The following RTL4 variants were observed in gnomAD, a reference collection of about 807,000 sequenced individuals.
RTL4 encodes retrotransposon Gag like 4.
Under a neutral mutation model 5.3 loss-of-function variants are expected in RTL4, and 4 were observed. The observed-to-expected ratio is 0.75, with a 90% CI of 0.37 to 1.72. The LOEUF is 1.72. Ranked by LOEUF, RTL4 falls within the 40% of genes most tolerant of loss-of-function variation. The pLI, the probability that RTL4 is intolerant of heterozygous loss-of-function variation, is 0.04. For synonymous variants in RTL4, 98 were observed against 87.3 expected (o/e 1.12, Z -0.68); for missense variants, 260 against 227.1 (o/e 1.14, Z -0.93).
the RTL4 span, among the ~76,000 whole-genome samples, chrX:112,100,640 A>G: frequency 8.9e-6 from 1 of 111,999 alleles, no homozygotes; most frequent in Non-Finnish European, 1.9e-5. Context: ...TCCATGGAAA[A>G]AAGAGTCTGG....
the RTL4 span, among the ~76,000 whole-genome samples, chrX:112,384,972 T>C: frequency 9.0e-6 from 1 of 111,672 alleles, no homozygotes; most frequent in Non-Finnish European, 1.9e-5. Context: ...TTTATAGCAA[T>C]TGTGAATGGG....
the RTL4 span, among the ~76,000 whole-genome samples, chrX:112,191,515 T>G: frequency 8.9e-6 from 1 of 111,904 alleles, no homozygotes; most frequent in Non-Finnish European, 1.9e-5. Context: ...GAAAAAATTT[T>G]AGAAATTTTG....
At chrX:112,327,263 A>T in the RTL4 span, among the ~76,000 whole-genome samples, 6 of 111,786 alleles carry the variant, frequency 5.4e-5, no homozygotes, top group African/African-American at 2.0e-4. Flanking sequence ...TTTGAAAAAA[A>T]TTTGGAAGAA....
chrX:112,120,583 T>TTTTTG, the RTL4 span, among the ~76,000 whole-genome samples: 2 of 108,107 alleles, frequency 1.9e-5, no homozygotes, highest in African/African-American at 6.7e-5. Flanking sequence ...GGCTGGGGTT[T>TTTTTG]TTTTTTTTTT....
the RTL4 span, among the ~76,000 whole-genome samples, chrX:112,407,397 A>G: frequency 3.6e-5 from 4 of 111,647 alleles, no homozygotes; most frequent in African/African-American, 1.3e-4. Context: ...GGCAGTAACC[A>G]TGGAGTGAGG....
chrX:112,115,106 C>A, the RTL4 span, among the ~76,000 whole-genome samples: 73 of 110,801 alleles, frequency 6.6e-4, no homozygotes, highest in African/African-American at 2.1e-3. Context: ...AAACTGCCTG[C>A]GGTTCTGATT....
At chrX:112,225,881 T>C in the RTL4 span, among the ~76,000 whole-genome samples, 10 of 111,923 alleles carry the variant, frequency 8.9e-5, no homozygotes, top group Non-Finnish European at 1.5e-4. Flanking sequence ...GTTTGTGCAA[T>C]GGTGTACTCG....
At chrX:112,213,561 T>G in the RTL4 span, among the ~76,000 whole-genome samples, 2 of 112,481 alleles carry the variant, frequency 1.8e-5, no homozygotes, top group Non-Finnish European at 3.7e-5. Context: ...ATTGAGTGTT[T>G]TGTTTGTTTG....
chrX:112,268,428 A>G, the RTL4 span, among the ~76,000 whole-genome samples: 6 of 111,782 alleles, frequency 5.4e-5, no homozygotes, highest in Non-Finnish European at 1.1e-4. Flanking sequence ...TTTATTTTAT[A>G]TATACTCTCT....
chrX:112,138,640 C>T, the RTL4 span, among the ~76,000 whole-genome samples: 2 of 110,439 alleles, frequency 1.8e-5, no homozygotes, highest in East Asian at 5.7e-4. Context: ...GTCTTATTAT[C>T]CAAAGTTGTT....
the RTL4 span, among the ~76,000 whole-genome samples, chrX:112,126,657 G>A: frequency 7.9e-4 from 88 of 111,934 alleles, 1 homozygote; most frequent in African/African-American, 2.8e-3. Context: ...AAACTGACAA[G>A]CATTTAAGTA....
chrX:112,427,648 A>C, the RTL4 span, among the ~76,000 whole-genome samples: 3 of 111,172 alleles, frequency 2.7e-5, no homozygotes, highest in Admixed American at 9.6e-5. Flanking sequence ...TTTCCTAATT[A>C]ATAATTTAAA....
At chrX:112,086,507 A>G in the RTL4 span, among the ~76,000 whole-genome samples, 1 of 112,483 alleles carries the variant, frequency 8.9e-6, no homozygotes, top group South Asian at 3.7e-4. Flanking sequence ...CAGGAAGTCA[A>G]ACAACACTAA....
the RTL4 span, among the ~76,000 whole-genome samples, chrX:112,159,528 T>A: frequency 1.3e-4 from 15 of 112,229 alleles, no homozygotes; most frequent in Non-Finnish European, 2.8e-4. Flanking sequence ...TCTTTCTTGA[T>A]GCCAGCATAT....
the RTL4 span, among the ~76,000 whole-genome samples, chrX:112,337,263 A>T: frequency 3.6e-5 from 4 of 112,174 alleles, no homozygotes; most frequent in African/African-American, 9.7e-5. Context: ...AATTGGAAAG[A>T]TAGAAAATAA....
the RTL4 span, among the ~76,000 whole-genome samples, chrX:112,138,977 T>C: frequency 4.5e-5 from 5 of 111,708 alleles, no homozygotes; most frequent in African/African-American, 1.6e-4. Flanking sequence ...CAAACCAGGA[T>C]ATCACATTGT....
the RTL4 span, among the ~76,000 whole-genome samples, chrX:112,118,106 T>A: frequency 8.9e-6 from 1 of 112,211 alleles, no homozygotes; most frequent in African/African-American, 3.2e-5. Context: ...ATATTAATTA[T>A]CTTTTGCTTT....
At chrX:112,390,164 G>A in the RTL4 span, among the ~76,000 whole-genome samples, 1 of 48,081 alleles carries the variant, frequency 2.1e-5, no homozygotes, top group East Asian at 8.3e-4. Context: ...TATATATTTA[G>A]GATCGTGGCC....
At chrX:112,426,392 C>G in the RTL4 span, among the ~76,000 whole-genome samples, 1 of 111,549 alleles carries the variant, frequency 9.0e-6, no homozygotes, top group African/African-American at 3.2e-5. Context: ...TAGAATTAGT[C>G]TGATGATAGC....
Sources: allele counts gnomAD v4.1 joint callset (sites outside exome capture counted in the v4.1 genomes callset), GRCh38; gene constraint gnomAD v4.1.1; transcripts MANE v1.5; gene names NCBI Gene and HGNC (gene_info 2026-07-23, HGNC 2026-07-21).